RUFY4: variants seen among roughly 807,000 people sequenced by gnomAD.
The protein encoded by RUFY4 is RUN and FYVE domain-containing protein 4.
In RUFY4, 73 loss-of-function variants were observed where a neutral mutation model predicts 69.0. The observed-to-expected ratio is 1.06, with a 90% CI of 0.88 to 1.29. RUFY4 has a LOEUF of 1.29. RUFY4 is among the 50% of genes most tolerant of loss of function. The pLI, the probability that RUFY4 is intolerant of heterozygous loss-of-function variation, is 0.00. For synonymous variants in RUFY4, 287 were observed against 271.8 expected (o/e 1.06, Z -0.55); for missense variants, 770 against 705.6 (o/e 1.09, Z -1.03).
intron 2 of RUFY4, among the ~76,000 whole-genome samples, chr2:218,053,050 C>A (rs1688981897): frequency 6.6e-6 from 1 of 152,082 alleles, no homozygotes; most frequent in Non-Finnish European, 1.5e-5. Flanking sequence ...GCCTTAAACT[C>A]CTGGGCTCAA....
intron 2 of RUFY4, among the ~76,000 whole-genome samples, chr2:218,049,460 T>C (rs2106030421): frequency 6.6e-6 from 1 of 152,250 alleles, no homozygotes; most frequent in South Asian, 2.1e-4. Context: ...GCCAGATGTA[T>C]TGGAGCCCCT....
At chr2:218,045,547 T>C (rs941920053) in intron 2 of RUFY4, among the ~76,000 whole-genome samples, 90 of 152,312 alleles carry the variant, frequency 5.9e-4, no homozygotes, top group African/African-American at 2.1e-3. Flanking sequence ...ACCAACGTTT[T>C]AACAAAAAGT....
chr2:218,052,708 C>T (rs1260597263), intron 2 of RUFY4, among the ~76,000 whole-genome samples: 2 of 149,772 alleles, frequency 1.3e-5, no homozygotes, highest in Non-Finnish European at 3.0e-5. Flanking sequence ...CCAGCCTGGG[C>T]ATCATAGCAA....
At chr2:218,088,674 G>A (rs1364485206) in intron 9 of RUFY4, among the ~76,000 whole-genome samples, 1 of 152,088 alleles carries the variant, frequency 6.6e-6, no homozygotes, top group African/African-American at 2.4e-5. Context: ...CATGGGTCAA[G>A]GTTATTTTGG....
chr2:218,060,552 G>A (rs766020974), intron 3 of RUFY4: 116 of 1,303,724 alleles, frequency 8.9e-5, no homozygotes, highest in Middle Eastern at 1.8e-4. Context: ...GGTTGATGTC[G>A]TTGCGGCGCT....
chr2:218,073,984 G>A lies in RUFY4; in HGVS notation c.600+99G>A, dbSNP rs765457178. 3.5e-5 allele frequency: 42 copies of A among 1,201,594 alleles called. No homozygotes were observed. In the Admixed American group the frequency reaches 7.8e-4, roughly 22 times the overall value. The allele number at this position is 1,201,594 out of a possible 1,614,324, so 74.4% of individuals were successfully genotyped here. ...GAGCTTCCCCCTCCGAGTGTACAGA[G>A]AGCCCTGACCCTACAGGACAGACAG... is the stretch of plus-strand genomic sequence containing the variant. On this transcript the variant is annotated intron_variant, in intron 6 of 10. Transcript: ENST00000344321.
In RUFY4 at chr2:218,072,773, C is replaced by G. The variant is rs1322129098; in HGVS notation, c.280-6C>G. 1 of 1,517,860 alleles carries G rather than the reference C, an allele frequency of 6.6e-7. No individual in the cohort carries two copies. The highest frequency in any genetic ancestry group is 1.4e-5 in the African/African-American group (1 of 72,414). The allele number at this position is 1,517,860 out of a possible 1,614,324, so 94.0% of individuals were successfully genotyped here. On this transcript the variant is annotated splice_region_variant and splice_polypyrimidine_tract_variant and intron_variant, in intron 3 of 10. Transcript: ENST00000344321. The stretch of plus-strand genomic sequence containing the variant: ...GCTCCCCATTCTGCCCCTGTGCACT[C>G]TGCAGTTGAAGACCCCTCTGGGGAA...
chr2:218,053,729 AC>A (rs974030631), intron 2 of RUFY4, among the ~76,000 whole-genome samples: 7 of 151,030 alleles, frequency 4.6e-5, no homozygotes, highest in African/African-American at 1.7e-4. Flanking sequence ...TGATCTCCTG[AC>A]TTCGTGATCC....
At chr2:218,037,329 A>AAG (rs904795384) in intron 2 of RUFY4, among the ~76,000 whole-genome samples, 3 of 151,884 alleles carry the variant, frequency 2.0e-5, no homozygotes, top group African/African-American at 7.3e-5. Context: ...CAAAAAAAAA[A>AAG]AAGATAATAA....
At chr2:218,082,167 A>G (rs1205198820) in intron 8 of RUFY4, among the ~76,000 whole-genome samples, 1 of 152,266 alleles carries the variant, frequency 6.6e-6, no homozygotes, top group East Asian at 1.9e-4. Flanking sequence ...AGAAAAACCA[A>G]GAGTGGAGCT....
intron 2 of RUFY4, among the ~76,000 whole-genome samples, chr2:218,049,589 C>A (rs1235317566): frequency 6.6e-6 from 1 of 152,064 alleles, no homozygotes; most frequent in Non-Finnish European, 1.5e-5. Flanking sequence ...TCACCGCAGC[C>A]TCTGCCTCCC....
chr2:218,039,490 T>C (rs949409287), intron 2 of RUFY4, among the ~76,000 whole-genome samples: 2 of 152,194 alleles, frequency 1.3e-5, no homozygotes, highest in Non-Finnish European at 2.9e-5. Flanking sequence ...CAAAGATGAA[T>C]GGAAGAGGAT....
chr2:218,049,913 A>C (rs1443131030), intron 2 of RUFY4, among the ~76,000 whole-genome samples: 1 of 152,224 alleles, frequency 6.6e-6, no homozygotes, highest in African/African-American at 2.4e-5. Context: ...GACAGGAGAC[A>C]GACAAATTCC....
intron 3 of RUFY4, among the ~76,000 whole-genome samples, chr2:218,061,668 A>T (rs1689196516): frequency 6.6e-6 from 1 of 152,206 alleles, no homozygotes; most frequent in Non-Finnish European, 1.5e-5. Flanking sequence ...CTGGACACAT[A>T]TTCTTGCATT....
intron 2 of RUFY4, among the ~76,000 whole-genome samples, chr2:218,057,039 A>G (rs546100587): frequency 7.2e-5 from 11 of 151,790 alleles, no homozygotes; most frequent in African/African-American, 2.7e-4. Context: ...AGATTGTGCC[A>G]CTGCACTCCA....
At chr2:218,078,877 T>C (rs555546129) in intron 8 of RUFY4, among the ~76,000 whole-genome samples, 14 of 152,278 alleles carry the variant, frequency 9.2e-5, no homozygotes, top group African/African-American at 3.1e-4. Flanking sequence ...TGTTTTGTTT[T>C]TGTTTTTGAG....
chr2:218,075,547 G>A (rs1222995108), exon 7 of RUFY4: 1 of 1,535,560 alleles, frequency 6.5e-7, no homozygotes, highest in Non-Finnish European at 8.7e-7. Flanking sequence ...AGCCCCAGAG[G>A]GGCTGTAGAG....
intron 3 of RUFY4, chr2:218,061,236 A>G (rs1168628593): frequency 5.4e-6 from 2 of 372,746 alleles, no homozygotes; most frequent in South Asian, 2.1e-5. Flanking sequence ...CATCACGTTC[A>G]GTAGAAACAT....
intron 2 of RUFY4, among the ~76,000 whole-genome samples, chr2:218,054,255 T>C (rs1689008629): frequency 6.6e-6 from 1 of 152,186 alleles, no homozygotes; most frequent in African/African-American, 2.4e-5. Context: ...TTTTAATTAC[T>C]TTAAGATCAT....
Sources: gnomAD v4.1 joint callset for allele counts (sites outside exome capture counted in the v4.1 genomes callset) on GRCh38, gnomAD v4.1.1 for gene constraint, MANE v1.5 for transcripts, NCBI Gene and HGNC (gene_info 2026-07-23, HGNC 2026-07-21) for gene names.